Variants in UTRN observed in about 807,000 individuals in gnomAD.
UTRN encodes the protein dystrophin-related protein 1.
UTRN carries 283 observed loss-of-function variants against 463.9 expected under a neutral mutation model. The ratio of observed to expected loss-of-function variants is 0.61; its 90% CI spans 0.55 to 0.67. The LOEUF (loss-of-function observed/expected upper bound fraction) is 0.67, where lower values mean the gene tolerates loss of function less well. Ranked by LOEUF, UTRN falls within the 30% of genes least tolerant of loss-of-function variation. The probability of loss-of-function intolerance (pLI) is 0.00; values close to 1 mark genes in which losing one functional copy is unlikely to be tolerated. For synonymous variants in UTRN, 1,442 were observed against 1,431.5 expected (o/e 1.01, Z -0.17); for missense variants, 3,922 against 4,084.3 (o/e 0.96, Z 1.08).
At chr6:144,299,060 C>T (rs937262228) in intron 2 of UTRN, among the ~76,000 whole-genome samples, 4 of 152,188 alleles carry the variant, frequency 2.6e-5, no homozygotes, top group African/African-American at 7.2e-5. Flanking sequence ...TCAAAGGCTA[C>T]GTGTGAGTCA....
At chr6:144,634,615 T>G (rs1776903313) in intron 51 of UTRN, among the ~76,000 whole-genome samples, 1 of 152,224 alleles carries the variant, frequency 6.6e-6, no homozygotes, top group Non-Finnish European at 1.5e-5. Context: ...AATTGTGCAT[T>G]TCAGTGGTAT....
chr6:144,538,145 G>C (rs1340403616), intron 44 of UTRN, among the ~76,000 whole-genome samples: 1 of 152,068 alleles, frequency 6.6e-6, no homozygotes, highest in African/African-American at 2.4e-5. Context: ...GCTTGCAATA[G>C]GTTTAGTGTC....
intron 45 of UTRN, 115 bp from the exon 46 acceptor site, chr6:144,542,680 C>T (rs1261060999): frequency 4.9e-6 from 5 of 1,030,364 alleles, no homozygotes; most frequent in East Asian, 5.4e-5. Context: ...AAGTTTAGGT[C>T]GTTAGGGGAA....
intron 22 of UTRN, among the ~76,000 whole-genome samples, chr6:144,461,622 A>G (rs745687291): frequency 6.6e-6 from 1 of 152,222 alleles, no homozygotes; most frequent in Non-Finnish European, 1.5e-5. Flanking sequence ...ATCTTTATGA[A>G]ATGAGGACTA....
chr6:144,677,110 A>C (rs1425432749), intron 51 of UTRN, among the ~76,000 whole-genome samples: 1 of 151,980 alleles, frequency 6.6e-6, no homozygotes, highest in African/African-American at 2.4e-5. Flanking sequence ...ACCTTTTAAA[A>C]AATTTCAATT....
At chr6:144,800,051 G>A (rs1379624649) in intron 64 of UTRN, among the ~76,000 whole-genome samples, 1 of 152,138 alleles carries the variant, frequency 6.6e-6, no homozygotes, top group African/African-American at 2.4e-5. Flanking sequence ...AATTGACTTG[G>A]GAAGAGACTG....
intron 17 of UTRN, among the ~76,000 whole-genome samples, chr6:144,451,152 T>C (rs1306378207): frequency 6.6e-6 from 1 of 152,206 alleles, no homozygotes; most frequent in Non-Finnish European, 1.5e-5. Context: ...ATTATTTTCT[T>C]CAATTGTTTA....
chr6:144,715,028 G>C (rs182238523), intron 53 of UTRN, among the ~76,000 whole-genome samples: 2 of 152,032 alleles, frequency 1.3e-5, no homozygotes, highest in African/African-American at 4.8e-5. Context: ...CACCTTCTCT[G>C]TATTCACTCC....
intron 9 of UTRN, among the ~76,000 whole-genome samples, chr6:144,435,681 C>G (rs749957588): frequency 2.0e-5 from 3 of 152,192 alleles, no homozygotes; most frequent in Non-Finnish European, 2.9e-5. Flanking sequence ...TGTGGGTTCT[C>G]TGTCCCTAAC....
intron 47 of UTRN, 93 bp downstream of exon 47, chr6:144,548,947 G>A: frequency 5.3e-6 from 7 of 1,310,130 alleles, no homozygotes; most frequent in Non-Finnish European, 7.3e-6. Context: ...CCTAAACTAT[G>A]AGAGAATGAG....
intron 51 of UTRN, among the ~76,000 whole-genome samples, chr6:144,668,079 G>T (rs1346325389): frequency 2.0e-5 from 3 of 152,206 alleles, no homozygotes; most frequent in African/African-American, 7.2e-5. Context: ...TCTTGCAGGA[G>T]CTGTCTATTA....
chr6:144,312,702 T>G (rs898978878), intron 2 of UTRN, among the ~76,000 whole-genome samples: 1 of 152,210 alleles, frequency 6.6e-6, no homozygotes, highest in Admixed American at 6.5e-5. Context: ...TTCTTTTAGT[T>G]TTTCTCTTCC....
intron 14 of UTRN, among the ~76,000 whole-genome samples, chr6:144,445,088 C>T (rs544155331): frequency 1.8e-4 from 27 of 152,118 alleles, no homozygotes; most frequent in African/African-American, 5.6e-4. Context: ...GGGTGGCTCA[C>T]GCCTGTAATC....
At chr6:144,349,485 C>T (rs914112911) in intron 2 of UTRN, among the ~76,000 whole-genome samples, 4 of 152,186 alleles carry the variant, frequency 2.6e-5, no homozygotes, top group African/African-American at 9.7e-5. Flanking sequence ...CATGATGTTA[C>T]ACATTTTAAA....
intron 51 of UTRN, among the ~76,000 whole-genome samples, chr6:144,642,385 T>C (rs529184858): frequency 6.6e-6 from 1 of 152,340 alleles, no homozygotes; most frequent in South Asian, 2.1e-4. Flanking sequence ...TAATATCTTC[T>C]TTTTTTGTGT....
chr6:144,370,562 G>A (rs11970041), intron 2 of UTRN, among the ~76,000 whole-genome samples: 10,270 of 152,268 alleles, frequency 0.067, 1,153 homozygotes, highest in African/African-American at 0.23. Flanking sequence ...GAAGGGACAC[G>A]TGAGGTGGGA....
chr6:144,319,274 T>C (rs1034097746), intron 2 of UTRN, among the ~76,000 whole-genome samples: 66 of 152,296 alleles, frequency 4.3e-4, no homozygotes, highest in South Asian at 4.1e-4. Flanking sequence ...GACATTTTCC[T>C]TGGAAATGCT....
chr6:144,765,385 T>C (rs1395904332), intron 58 of UTRN, among the ~76,000 whole-genome samples: 2 of 152,202 alleles, frequency 1.3e-5, no homozygotes, highest in African/African-American at 4.8e-5. Flanking sequence ...TTTGTATCTT[T>C]AAATCTACTC....
chr6:144,332,602 A>G (rs933035033), intron 2 of UTRN, among the ~76,000 whole-genome samples: 1 of 152,198 alleles, frequency 6.6e-6, no homozygotes, highest in African/African-American at 2.4e-5. Context: ...TAAATTGAAT[A>G]TATAGGGAAG....
Sources: gnomAD v4.1 joint callset for allele counts (sites outside exome capture counted in the v4.1 genomes callset) on GRCh38, gnomAD v4.1.1 for gene constraint, MANE v1.5 for transcripts, NCBI Gene and HGNC (gene_info 2026-07-23, HGNC 2026-07-21) for gene names.